LARGE1: variants seen among roughly 807,000 people sequenced by gnomAD.
The protein encoded by LARGE1 is LARGE xylosyl- and glucuronyltransferase 1.
Under a neutral mutation model 87.6 loss-of-function variants are expected in LARGE1, and 43 were observed. The observed-to-expected ratio is 0.49, with a 90% confidence interval of 0.38 to 0.63. The LOEUF (loss-of-function observed/expected upper bound fraction) is 0.63, where lower values mean the gene tolerates loss of function less well. LARGE1 is among the 30% of genes least tolerant of loss of function. The pLI is 0.00. For missense variants in LARGE1, 802 were observed against 1,000.2 expected (o/e 0.80, Z 2.67); for synonymous variants, 434 against 394.6 (o/e 1.10, Z -1.18).
chr22:33,323,091 C>T (rs1276871502), intron 10 of LARGE1, among the ~76,000 whole-genome samples: 1 of 152,128 alleles, frequency 6.6e-6, no homozygotes, highest in African/African-American at 2.4e-5. Context: ...CATTGCACTC[C>T]AGCCTGGGTG....
chr22:33,591,061 C>T lies in LARGE1; in HGVS notation c.615+13374G>A, dbSNP rs563914433. On this transcript the variant is annotated intron_variant, in intron 5 of 14. Coordinates refer to ENST00000397394, the MANE Select transcript of LARGE1 (RefSeq NM_133642.5). ...ACTAAAAATACAGAAATTAGCTGGG[C>T]GTGGTGGTGGGTGCCTGTAATTCCA... Among the ~76,000 whole-genome samples the T allele has an allele frequency of 5.5e-4, 84 of 152,188 alleles. No homozygotes were observed. In the South Asian group the frequency reaches 0.016, roughly 28 times the overall value.
intron 5 of LARGE1, among the ~76,000 whole-genome samples, chr22:33,589,329 A>G (rs7293114): frequency 0.14 from 22,057 of 152,202 alleles, 1,801 homozygotes; most frequent in African/African-American, 0.21. Flanking sequence ...CTGATACATG[A>G]TAAGTGACAA....
intron 2 of LARGE1, among the ~76,000 whole-genome samples, chr22:33,734,099 G>T (rs375828344): frequency 6.6e-6 from 1 of 152,176 alleles, no homozygotes; most frequent in Admixed American, 6.5e-5. Context: ...TCCTCCGTGT[G>T]TCTCACATCA....
intron 11 of LARGE1, among the ~76,000 whole-genome samples, chr22:33,220,749 A>G (rs2145621959): frequency 6.6e-6 from 1 of 152,322 alleles, no homozygotes; most frequent in Admixed American, 6.5e-5. Flanking sequence ...AAAAGGAATC[A>G]ATCTCTGAAT....
chr22:33,346,290 TCCTCC>T, intron 9 of LARGE1, among the ~76,000 whole-genome samples: 1 of 149,552 alleles, frequency 6.7e-6, no homozygotes, highest in South Asian at 2.1e-4. Flanking sequence ...CTCCTCCTCC[TCCTCC>T]TTCTTCTTTT....
At chr22:33,857,530 G>A in intron 1 of LARGE1, among the ~76,000 whole-genome samples, 1 of 152,196 alleles carries the variant, frequency 6.6e-6, no homozygotes, top group Non-Finnish European at 1.5e-5. Flanking sequence ...TTGTTTATCG[G>A]TAAATGTTAG....
chr22:33,809,203 C>T (rs966600644), intron 1 of LARGE1, among the ~76,000 whole-genome samples: 3 of 151,474 alleles, frequency 2.0e-5, no homozygotes, highest in African/African-American at 4.9e-5. Flanking sequence ...ACCCAGGAGG[C>T]AGAGGCTGCG....
At chr22:33,549,309 GA>G (rs992246705) in intron 6 of LARGE1, among the ~76,000 whole-genome samples, 2 of 151,922 alleles carry the variant, frequency 1.3e-5, no homozygotes, top group Admixed American at 1.3e-4. Context: ...CATTTAGGAG[GA>G]AAAAAAAGTT....
chr22:33,449,765 C>T (rs1037364132), intron 6 of LARGE1, among the ~76,000 whole-genome samples: 13 of 152,230 alleles, frequency 8.5e-5, no homozygotes, highest in African/African-American at 2.9e-4. Flanking sequence ...ATATGCTGGC[C>T]AAGCCAGCCC....
chr22:33,666,760 G>A (rs1276707365), intron 2 of LARGE1, among the ~76,000 whole-genome samples: 1 of 152,136 alleles, frequency 6.6e-6, no homozygotes, highest in East Asian at 1.9e-4. Context: ...TTTCTCTACT[G>A]ATGAGTAGCT....
chr22:33,547,135 T>C (rs2077382496), intron 6 of LARGE1, among the ~76,000 whole-genome samples: 1 of 152,102 alleles, frequency 6.6e-6, no homozygotes, highest in South Asian at 2.1e-4. Context: ...AATGTATGTA[T>C]GTATGATACC....
At chr22:33,771,518 T>C (rs1004522025) in intron 1 of LARGE1, among the ~76,000 whole-genome samples, 2 of 152,324 alleles carry the variant, frequency 1.3e-5, no homozygotes, top group African/African-American at 2.4e-5. Context: ...ACATTTTTTT[T>C]CTCAAACCTC....
chr22:33,461,005 TA>T (rs34844986), intron 6 of LARGE1, among the ~76,000 whole-genome samples: 27,415 of 152,146 alleles, frequency 0.18, 2,518 homozygotes, highest in South Asian at 0.24. Context: ...GACTGTATTT[TA>T]AAACCTGGCC....
intron 4 of LARGE1, among the ~76,000 whole-genome samples, chr22:33,613,526 CT>C (rs1344594272): frequency 1.3e-5 from 2 of 152,148 alleles, no homozygotes; most frequent in Admixed American, 1.3e-4. Context: ...AGTTTTCACT[CT>C]TTTTGCCCAG....
At chr22:33,702,297 C>T (rs1034049943) in intron 2 of LARGE1, among the ~76,000 whole-genome samples, 2 of 152,138 alleles carry the variant, frequency 1.3e-5, no homozygotes, top group African/African-American at 4.8e-5. Context: ...TTAATTTTTT[C>T]CTGGGGCTCA....
At chr22:33,407,288 T>C (rs1299476253) in intron 7 of LARGE1, among the ~76,000 whole-genome samples, 2 of 152,136 alleles carry the variant, frequency 1.3e-5, no homozygotes, top group African/African-American at 2.4e-5. Flanking sequence ...GCCTCCCAAG[T>C]AGCGGGAACT....
intron 6 of LARGE1, among the ~76,000 whole-genome samples, chr22:33,527,719 G>C (rs1602264459): frequency 2.0e-5 from 3 of 152,262 alleles, no homozygotes; most frequent in East Asian, 1.9e-4. Context: ...AGCACAAAGA[G>C]AAAGTGACTG....
chr22:33,524,868 G>A (rs1159938009), intron 6 of LARGE1, among the ~76,000 whole-genome samples: 1 of 152,116 alleles, frequency 6.6e-6, no homozygotes, highest in African/African-American at 2.4e-5. Flanking sequence ...TCTGTCCCAT[G>A]TTTATCTACT....
chr22:33,785,092 T>TAG (rs1195705761), intron 1 of LARGE1, among the ~76,000 whole-genome samples: 1 of 147,688 alleles, frequency 6.8e-6, no homozygotes, highest in Non-Finnish European at 1.5e-5. Flanking sequence ...CATATGTGTA[T>TAG]ATACATGTGT....
Sources: gnomAD v4.1 joint callset for allele counts (sites outside exome capture counted in the v4.1 genomes callset) on GRCh38, gnomAD v4.1.1 for gene constraint, MANE v1.5 for transcripts, NCBI Gene and HGNC (gene_info 2026-07-23, HGNC 2026-07-21) for gene names.